The following DPY19L3 variants were observed in gnomAD, a reference collection of about 807,000 sequenced individuals.
DPY19L3 encodes dpy-19 like C-mannosyltransferase 3, also known as protein C-mannosyl-transferase DPY19L3.
In DPY19L3, 51 loss-of-function variants were observed where a neutral mutation model predicts 92.3. The ratio of observed to expected loss-of-function variants is 0.55; its 90% CI spans 0.44 to 0.70. DPY19L3 has a LOEUF of 0.70. DPY19L3 is among the 30% of genes least tolerant of loss of function. The pLI is 0.00. For synonymous variants in DPY19L3, 309 were observed against 315.2 expected, an observed-to-expected ratio of 0.98 and a Z score of 0.21; for missense variants, 706 against 855.9, an observed-to-expected ratio of 0.82 and a Z score of 2.18.
intron 3 of DPY19L3, among the ~76,000 whole-genome samples, chr19:32,422,212 TAC>T (rs1247066654): frequency 2.0e-5 from 3 of 152,200 alleles, no homozygotes; most frequent in Admixed American, 1.3e-4. Context: ...AGAATAATTT[TAC>T]AGTGGAGATG....
intron 6 of DPY19L3, among the ~76,000 whole-genome samples, chr19:32,438,259 T>C (rs1490398446): frequency 2.0e-5 from 3 of 152,186 alleles, no homozygotes; most frequent in Admixed American, 6.5e-5. Flanking sequence ...TTACGTGTTA[T>C]GACAGTCCTG....
Position 32,458,455 on chromosome 19 carries a change from T to G in DPY19L3, c.1268T>G (p.Phe423Cys). ...SDTLLFYAYI[F>C]VLSITVIVAF... ...ACTCTGCTTTTTTATGCTTACATAT[T>G]CGTTCTGTCCATCACAGTGATTGTA... The change falls in exon 12 of 19, where the codon TTC (phenylalanine) becomes TGC (cysteine). Residue 423 changes from phenylalanine to cysteine, a missense_variant. Coordinates refer to ENST00000392250, the MANE Select transcript of DPY19L3 (RefSeq NM_001172774.2). 1 of 1,613,900 alleles carries G rather than the reference T, an allele frequency of 6.2e-7. No individual in the cohort carries two copies. The highest frequency in any genetic ancestry group is 8.5e-7 in the Non-Finnish European group (1 of 1,179,996).
In DPY19L3 at chr19:32,458,420, G is replaced by A. The variant is rs1969935094; in HGVS notation, c.1233G>A (p.Arg411=). Reference sequence around the variant, plus strand: ...TCCTGCCTTTTAATACATTTGGAAGGCTTTCAGATACTCTGCTTTTTTATG... The same window carrying A: ...TCCTGCCTTTTAATACATTTGGAAGACTTTCAGATACTCTGCTTTTTTATG... ...FGLLPFNTFG[R]LSDTLLFYAY... is the part of the protein sequence containing the mutation. The change falls in exon 12 of 19, where the codon AGG becomes AGA. Residue 411 remains arginine, a synonymous_variant. Transcript: ENST00000392250. 3 of 1,613,718 alleles carry A rather than the reference G, an allele frequency of 1.9e-6. No homozygotes were observed. Among genetic ancestry groups the A allele is most frequent in the African/African-American group, 2.7e-5 (2 of 74,928 alleles).
intron 12 of DPY19L3, among the ~76,000 whole-genome samples, chr19:32,461,729 A>G (rs1970046408): frequency 6.6e-6 from 1 of 152,222 alleles, no homozygotes; most frequent in Non-Finnish European, 1.5e-5. Flanking sequence ...GTATGTGCCC[A>G]GTTCTATTGG....
intron 15 of DPY19L3, among the ~76,000 whole-genome samples, chr19:32,466,470 G>A (rs1158106267): frequency 6.6e-6 from 1 of 152,208 alleles, no homozygotes; most frequent in Non-Finnish European, 1.5e-5. Context: ...GGCGGGGGCG[G>A]TCCTGTGTGC....
chr19:32,455,087 T>C (rs939373588), intron 10 of DPY19L3, 47 bp downstream of exon 10: 6 of 1,199,242 alleles, frequency 5.0e-6, no homozygotes, highest in East Asian at 2.6e-5. Flanking sequence ...AATTAACTTA[T>C]GGCATTGGAG....
In DPY19L3 at chr19:32,464,809, G is replaced by A. The variant is rs758084949; in HGVS notation, c.1614+25G>A. 4.2e-6 allele frequency: 6 copies of A among 1,426,746 alleles called. No individual in the cohort carries two copies. In the South Asian group the frequency reaches 5.5e-5, roughly 13 times the overall value. The allele number at this position is 1,426,746 out of a possible 1,614,324, so 88.4% of individuals were successfully genotyped here. ...GGTAAGACTGATTTTCCTCATTCTT[G>A]TCATTCATGTATTTAGCAGAATAAT... On this transcript the variant is annotated intron_variant, in intron 15 of 18. Coordinates refer to ENST00000392250, the MANE Select transcript of DPY19L3 (RefSeq NM_001172774.2).
intron 2 of DPY19L3, among the ~76,000 whole-genome samples, chr19:32,408,879 A>G (rs748285007): frequency 1.5e-4 from 23 of 151,694 alleles, no homozygotes; most frequent in Non-Finnish European, 2.8e-4. Context: ...TTGCTAAGTG[A>G]TGCATCAGAT....
At position 32,482,370 on chromosome 19, in the gene DPY19L3, T is replaced by TG; in HGVS notation, c.*131dup. ...CTGTGATATGAGTAAGTTCTACAGA[T>TG]GTTTACACAAGTGTTGCCATCTTTG... On this transcript the variant is annotated 3_prime_UTR_variant, in exon 19 of 19. Transcript: ENST00000392250. 9.4e-7 allele frequency: 1 copy of TG among 1,066,606 alleles called. No homozygotes were observed. Among genetic ancestry groups the TG allele is most frequent in the Non-Finnish European group, 1.3e-6 (1 of 743,162 alleles). 66.1% of individuals were successfully genotyped at this position (1,066,606 alleles called of 1,614,324 possible).
intron 6 of DPY19L3, among the ~76,000 whole-genome samples, 175 bp downstream of exon 6, chr19:32,437,514 A>G (rs1220918564): frequency 1.3e-5 from 2 of 152,168 alleles, no homozygotes; most frequent in Non-Finnish European, 2.9e-5. Flanking sequence ...AGAAAGTGCT[A>G]CTTACATGTA....
At chr19:32,469,386 C>T (rs1424871035) in intron 16 of DPY19L3, among the ~76,000 whole-genome samples, 2 of 151,554 alleles carry the variant, frequency 1.3e-5, no homozygotes, top group Non-Finnish European at 2.9e-5. Flanking sequence ...CTCCTAGCTA[C>T]TCAGGAGGCT....
chr19:32,419,640 T>G (rs1968498197), intron 3 of DPY19L3, among the ~76,000 whole-genome samples: 1 of 151,982 alleles, frequency 6.6e-6, no homozygotes, highest in Non-Finnish European at 1.5e-5. Context: ...CACTTTGTTG[T>G]ACAGGCTGTT....
chr19:32,446,122 A>G (rs924928097), intron 8 of DPY19L3, among the ~76,000 whole-genome samples: 4 of 152,190 alleles, frequency 2.6e-5, no homozygotes, highest in African/African-American at 4.8e-5. Flanking sequence ...ACTTAAATGG[A>G]GGTTAGGGTT....
At chr19:32,457,014 A>G (rs1463868800) in intron 10 of DPY19L3, among the ~76,000 whole-genome samples, 1 of 152,128 alleles carries the variant, frequency 6.6e-6, no homozygotes, top group Admixed American at 6.5e-5. Context: ...AATTTTTTTC[A>G]AAACTTGAGT....
intron 3 of DPY19L3, among the ~76,000 whole-genome samples, chr19:32,423,402 A>ATTTTTTTTT (rs71176123): frequency 6.1e-5 from 5 of 82,228 alleles, no homozygotes; most frequent in South Asian, 4.6e-4. Flanking sequence ...TGCCCAGCTA[A>ATTTTTTTTT]TTTTTTTTTT....
intron 3 of DPY19L3, among the ~76,000 whole-genome samples, chr19:32,426,534 G>A (rs543072933): frequency 2.0e-5 from 3 of 152,158 alleles, no homozygotes; most frequent in African/African-American, 4.8e-5. Context: ...ACTTCCTTTC[G>A]ACGCTTAGAG....
At chr19:32,427,144 C>G (rs1000173342) in intron 3 of DPY19L3, among the ~76,000 whole-genome samples, 1 of 152,116 alleles carries the variant, frequency 6.6e-6, no homozygotes, top group African/African-American at 2.4e-5. Context: ...CAGGGGCATA[C>G]CACCATGCCC....
chr19:32,433,356 C>T (rs565661442), intron 4 of DPY19L3, among the ~76,000 whole-genome samples: 1 of 152,276 alleles, frequency 6.6e-6, no homozygotes, highest in Admixed American at 6.5e-5. Flanking sequence ...GAAAACTGCT[C>T]TTTTATAGGC....
chr19:32,432,765 C>G lies in DPY19L3; in HGVS notation c.287C>G (p.Ser96Cys). The G allele has an allele frequency of 1.2e-6, 2 of 1,613,856 alleles. No individual in the cohort carries two copies. The highest frequency in any genetic ancestry group is 1.7e-6 in the Non-Finnish European group (2 of 1,179,944). Residue 96 changes from serine to cysteine, a missense_variant, in exon 4 of 19, where the codon TCC becomes TGC. Physicochemically the swap from Ser to Cys is moderately radical, Grantham distance 112. Transcript: ENST00000392250. Reference protein sequence around the residue: ...SFRTECGLYYSYYKQMLQAPT... With the variant: ...SFRTECGLYYCYYKQMLQAPT... ...AGAACAGAGTGTGGCCTGTATTACTCCTACTACAAGCAGATGCTGCAGGCT... is the reference window on the plus strand; with the variant it reads ...AGAACAGAGTGTGGCCTGTATTACTGCTACTACAAGCAGATGCTGCAGGCT...
Sources: allele counts gnomAD v4.1 joint callset (sites outside exome capture counted in the v4.1 genomes callset), GRCh38; gene constraint gnomAD v4.1.1; transcripts MANE v1.5; gene names NCBI Gene and HGNC (gene_info 2026-07-23, HGNC 2026-07-21).